Variants in ARB2A observed in about 807,000 individuals in gnomAD.
ARB2A encodes cotranscriptional regulator ARB2A.
the ARB2A span, among the ~76,000 whole-genome samples, chr5:93,925,027 T>TA: frequency 6.6e-5 from 10 of 152,096 alleles, no homozygotes; most frequent in Non-Finnish European, 1.3e-4. Context: ...TGATCAATCT[T>TA]ACATTAGCAA....
chr5:93,959,411 T>G, the ARB2A span, among the ~76,000 whole-genome samples: 1 of 152,084 alleles, frequency 6.6e-6, no homozygotes, highest in African/African-American at 2.4e-5. Flanking sequence ...TTTAAATAAG[T>G]TGCCCACGGT....
chr5:93,966,663 C>T, the ARB2A span, among the ~76,000 whole-genome samples: 11 of 151,986 alleles, frequency 7.2e-5, no homozygotes, highest in Non-Finnish European at 1.5e-4. Flanking sequence ...GGCAATTCTC[C>T]GTGTTCAGCA....
At chr5:93,831,256 T>G in the ARB2A span, among the ~76,000 whole-genome samples, 1 of 142,414 alleles carries the variant, frequency 7.0e-6, no homozygotes, top group African/African-American at 2.6e-5. Context: ...TGTTGCCAGA[T>G]CAATCTTTTT....
the ARB2A span, among the ~76,000 whole-genome samples, chr5:93,758,430 A>G: frequency 6.6e-6 from 1 of 152,180 alleles, no homozygotes; most frequent in African/African-American, 2.4e-5. Flanking sequence ...TTCATCCAAC[A>G]ACTGCAGAAT....
chr5:94,002,013 T>C, the ARB2A span, among the ~76,000 whole-genome samples: 2 of 152,114 alleles, frequency 1.3e-5, no homozygotes, highest in Non-Finnish European at 2.9e-5. Context: ...AACTATGAGC[T>C]TCACAGGTGT....
chr5:94,048,147 C>T, the ARB2A span, among the ~76,000 whole-genome samples: 9 of 143,716 alleles, frequency 6.3e-5, no homozygotes, highest in African/African-American at 7.7e-5. Flanking sequence ...CTCCATCTCC[C>T]GGGTTCAAAC....
chr5:93,938,643 T>G, the ARB2A span, among the ~76,000 whole-genome samples: 1 of 152,196 alleles, frequency 6.6e-6, no homozygotes, highest in African/African-American at 2.4e-5. Flanking sequence ...AGAGCAAGTC[T>G]GAATTTCACC....
chr5:94,028,332 C>A, the ARB2A span, among the ~76,000 whole-genome samples: 2 of 152,312 alleles, frequency 1.3e-5, no homozygotes, highest in African/African-American at 4.8e-5. Flanking sequence ...TTCATTCCCT[C>A]CATGATCCCA....
At chr5:93,848,409 G>C in the ARB2A span, among the ~76,000 whole-genome samples, 1 of 150,160 alleles carries the variant, frequency 6.7e-6, no homozygotes, top group Non-Finnish European at 1.5e-5. Context: ...AAAAGAAAAA[G>C]AGATATTGAC....
At chr5:93,955,428 T>G in the ARB2A span, among the ~76,000 whole-genome samples, 1 of 152,214 alleles carries the variant, frequency 6.6e-6, no homozygotes, top group South Asian at 2.1e-4. Flanking sequence ...CATTAATTTT[T>G]AAAACTCAGA....
At chr5:93,630,748 G>C in the ARB2A span, among the ~76,000 whole-genome samples, 1 of 151,968 alleles carries the variant, frequency 6.6e-6, no homozygotes, top group African/African-American at 2.4e-5. Flanking sequence ...GCCAGGCTGG[G>C]CAACATCACA....
At chr5:93,731,453 C>A in the ARB2A span, among the ~76,000 whole-genome samples, 1 of 152,210 alleles carries the variant, frequency 6.6e-6, no homozygotes, top group Admixed American at 6.5e-5. Context: ...TCATCTCAGA[C>A]TTTTAGCCTC....
the ARB2A span, chr5:93,860,645 C>CT: frequency 9.4e-5 from 13 of 138,276 alleles, no homozygotes; most frequent in Non-Finnish European, 2.1e-4. Context: ...AAGATTGTTT[C>CT]TTTCTTTTTT....
At chr5:93,704,926 C>G in the ARB2A span, among the ~76,000 whole-genome samples, 2 of 152,212 alleles carry the variant, frequency 1.3e-5, no homozygotes, top group Non-Finnish European at 2.9e-5. Context: ...CACTACAGCT[C>G]ATCCATAAAT....
chr5:94,091,184 T>C, the ARB2A span, among the ~76,000 whole-genome samples: 9 of 152,220 alleles, frequency 5.9e-5, no homozygotes, highest in Non-Finnish European at 7.3e-5. Flanking sequence ...TAATTATACA[T>C]GTTTCTTGTT....
At chr5:94,063,060 T>G in the ARB2A span, among the ~76,000 whole-genome samples, 1 of 152,096 alleles carries the variant, frequency 6.6e-6, no homozygotes, top group Non-Finnish European at 1.5e-5. Flanking sequence ...CATAGGGCGG[T>G]GGTGCAGTCA....
At chr5:93,942,493 A>G in the ARB2A span, among the ~76,000 whole-genome samples, 2 of 151,974 alleles carry the variant, frequency 1.3e-5, no homozygotes, top group Non-Finnish European at 2.9e-5. Context: ...TTTTTGAAAT[A>G]TAAATTTCAG....
At chr5:93,756,533 A>G in the ARB2A span, among the ~76,000 whole-genome samples, 12 of 152,186 alleles carry the variant, frequency 7.9e-5, no homozygotes, top group Non-Finnish European at 1.3e-4. Context: ...ATCCAACAGA[A>G]GCTCACATCA....
At chr5:93,897,661 A>G in the ARB2A span, among the ~76,000 whole-genome samples, 1 of 151,938 alleles carries the variant, frequency 6.6e-6, no homozygotes, top group African/African-American at 2.4e-5. Context: ...ATTGGCTTCA[A>G]TTTTATTCAA....
Sources: allele counts gnomAD v4.1 joint callset (sites outside exome capture counted in the v4.1 genomes callset), GRCh38; gene constraint gnomAD v4.1.1; transcripts MANE v1.5; gene names NCBI Gene and HGNC (gene_info 2026-07-23, HGNC 2026-07-21).